The following TTLL7 variants were observed in gnomAD, a reference collection of about 807,000 sequenced individuals.
The protein encoded by TTLL7 is tubulin polyglutamylase TTLL7.
TTLL7 carries 53 observed loss-of-function variants against 120.2 expected under a neutral mutation model. That is an observed-to-expected ratio of 0.44 (90% CI 0.35 to 0.55). The LOEUF (loss-of-function observed/expected upper bound fraction) is 0.55. TTLL7 is among the 20% of genes least tolerant of loss of function. The pLI, the probability that TTLL7 is intolerant of heterozygous loss-of-function variation, is 0.00. For synonymous variants in TTLL7, 353 were observed against 351.7 expected (o/e 1.00, Z -0.04); for missense variants, 803 against 1,054.7 (o/e 0.76, Z 3.31).
intron 9 of TTLL7, among the ~76,000 whole-genome samples, chr1:83,932,580 C>A (rs959562018): frequency 3.9e-5 from 6 of 151,900 alleles, no homozygotes; most frequent in African/African-American, 1.4e-4. Flanking sequence ...CACACACACA[C>A]ACACACACAA....
At chr1:83,930,456 A>T (rs1387347405) in intron 9 of TTLL7, among the ~76,000 whole-genome samples, 1 of 152,166 alleles carries the variant, frequency 6.6e-6, no homozygotes, top group Non-Finnish European at 1.5e-5. Flanking sequence ...GGAGAAGGAA[A>T]TAGCTTGAAA....
At chr1:83,899,550 AATAGAATTGTCT>A (rs1053468040) in intron 18 of TTLL7, among the ~76,000 whole-genome samples, 16 of 152,076 alleles carry the variant, frequency 1.1e-4, no homozygotes, top group African/African-American at 3.1e-4. Flanking sequence ...CTGCGAAAAA[AATAGAATTGTCT>A]ATAGAATTGT....
chr1:83,929,210 A>T lies in TTLL7; in HGVS notation c.1068T>A (p.Phe356Leu). The T allele has an allele frequency of 6.2e-7, 1 of 1,611,406 alleles. No homozygotes were observed. The highest frequency in any genetic ancestry group is 8.5e-7 in the Non-Finnish European group (1 of 1,178,418). ...WLLEINRAPS[F>L]GTDQKIDYDV... The stretch of plus-strand genomic sequence containing the variant: ...CATAGTCTATTTTCTGATCAGTTCC[A>T]AAGCTTGGGGCTCGGTTAATCTGAA... The change falls in exon 10 of 21, where the codon TTT becomes TTA. Residue 356 changes from phenylalanine to leucine, a missense_variant. Physicochemically the swap from Phe to Leu is conservative, Grantham distance 22 (BLOSUM62 0). This residue lies in a region of TTLL7 where 324 missense variants were observed against 507.7 expected (regional missense o/e 0.64). Transcript: ENST00000260505.
At chr1:83,919,935 C>A in intron 12 of TTLL7, 101 bp from the exon 13 acceptor site, 1 of 1,079,048 alleles carries the variant, frequency 9.3e-7, no homozygotes, top group Non-Finnish European at 1.3e-6. Flanking sequence ...TATTCTATAC[C>A]AGTCACATTG....
rs769897033 is a variant in TTLL7, at chr1:83,923,215, T to C, written c.1143-1821A>G. Among the ~76,000 whole-genome samples, 8 of 139,766 alleles carry C rather than the reference T, an allele frequency of 5.7e-5. 1 individual carries two copies. The highest frequency in any genetic ancestry group is 1.7e-4 in the African/African-American group (6 of 35,878). The allele number at this position is 139,766 out of a possible 152,430, so 91.7% of individuals were successfully genotyped here. A position where few individuals can be genotyped will look rare whatever the true frequency, so the allele number is the denominator to read the frequency against. ...TCATATACCAATGAATATATTATCATACATCCATTTAAAATGGATAAAATT... is the reference window on the plus strand; with the variant it reads ...TCATATACCAATGAATATATTATCACACATCCATTTAAAATGGATAAAATT... On this transcript the variant is annotated intron_variant, in intron 10 of 20. Coordinates refer to ENST00000260505, the MANE Select transcript of TTLL7 (RefSeq NM_024686.6).
At chr1:83,936,793 A>G (rs1336860821) in intron 8 of TTLL7, among the ~76,000 whole-genome samples, 1 of 142,204 alleles carries the variant, frequency 7.0e-6, no homozygotes, top group Admixed American at 7.1e-5. Flanking sequence ...ATTTATCAAC[A>G]AATTAGAAGA....
At chr1:83,952,923 T>G (rs1649188882) in intron 1 of TTLL7, among the ~76,000 whole-genome samples, 1 of 152,140 alleles carries the variant, frequency 6.6e-6, no homozygotes, top group Non-Finnish European at 1.5e-5. Context: ...AAACACTGCT[T>G]TTAATATGAG....
intron 1 of TTLL7, among the ~76,000 whole-genome samples, chr1:83,997,294 G>A (rs1653571980): frequency 6.6e-6 from 1 of 152,142 alleles, no homozygotes; most frequent in South Asian, 2.1e-4. Context: ...TGCCTCTTGA[G>A]ACATAAACAA....
intron 1 of TTLL7, chr1:83,980,794 T>C (rs1252596023): frequency 6.6e-6 from 1 of 152,172 alleles, no homozygotes. Context: ...CCATCTCTTC[T>C]GTTACTCAAA....
At chr1:83,943,091 G>A (rs1040423574) in intron 6 of TTLL7, among the ~76,000 whole-genome samples, 34 of 152,128 alleles carry the variant, frequency 2.2e-4, no homozygotes, top group Non-Finnish European at 2.1e-4. Context: ...GACCTCAAAG[G>A]GCTTGCTTTT....
intron 14 of TTLL7, among the ~76,000 whole-genome samples, chr1:83,914,005 A>C (rs79864306): frequency 0.011 from 1,645 of 152,322 alleles, 27 homozygotes; most frequent in African/African-American, 0.038. Flanking sequence ...TCCCAAAGTG[A>C]TGCCATGACT....
At chr1:83,997,243 G>T (rs574918556) in intron 1 of TTLL7, among the ~76,000 whole-genome samples, 1 of 152,162 alleles carries the variant, frequency 6.6e-6, no homozygotes, top group South Asian at 2.1e-4. Flanking sequence ...TCAATACTAT[G>T]TGAGTATTTA....
At chr1:83,882,136 G>A (rs1394983342) in intron 20 of TTLL7, among the ~76,000 whole-genome samples, 1 of 150,484 alleles carries the variant, frequency 6.6e-6, no homozygotes, top group East Asian at 2.0e-4. Context: ...ACACCTAATG[G>A]TAAATGACGA....
At chr1:83,996,793 T>C (rs1653521806) in intron 1 of TTLL7, among the ~76,000 whole-genome samples, 1 of 152,144 alleles carries the variant, frequency 6.6e-6, no homozygotes, top group South Asian at 2.1e-4. Context: ...CTCAGTGATG[T>C]CATCTAAGTA....
intron 15 of TTLL7, among the ~76,000 whole-genome samples, chr1:83,909,383 T>C (rs1657493049): frequency 1.3e-5 from 2 of 148,618 alleles, no homozygotes; most frequent in African/African-American, 4.9e-5. Flanking sequence ...GTAACTTGCA[T>C]ATCCCTTTGA....
At chr1:83,996,695 G>A (rs149860910) in intron 1 of TTLL7, among the ~76,000 whole-genome samples, 1 of 152,328 alleles carries the variant, frequency 6.6e-6, no homozygotes, top group Non-Finnish European at 1.5e-5. Flanking sequence ...GTTCCTTGAA[G>A]TGGGGAATTT....
intron 18 of TTLL7, among the ~76,000 whole-genome samples, chr1:83,899,184 TC>T (rs909838543): frequency 6.6e-6 from 1 of 151,952 alleles, no homozygotes; most frequent in Non-Finnish European, 1.5e-5. Flanking sequence ...GGGAAGAATG[TC>T]ATCACAGAAT....
intron 19 of TTLL7, among the ~76,000 whole-genome samples, chr1:83,889,105 A>G (rs1220134811): frequency 6.6e-6 from 1 of 152,144 alleles, no homozygotes; most frequent in Admixed American, 6.6e-5. Flanking sequence ...ATAGTTCAGC[A>G]TGGCTGGGGA....
chr1:83,919,853 A>C lies in TTLL7; in HGVS notation c.1365-19T>G, dbSNP rs557439293. 6.2e-7 allele frequency: 1 copy of C among 1,604,032 alleles called. No homozygotes were observed. Among genetic ancestry groups the C allele is most frequent in the East Asian group, 2.2e-5 (1 of 44,708 alleles). ...AATTCGTCTACAACAAAATCAGATAAACCAATTTTTTAAAAAGAAGCTGTC... is the reference window on the plus strand; with the variant it reads ...AATTCGTCTACAACAAAATCAGATACACCAATTTTTTAAAAAGAAGCTGTC... On this transcript the variant is annotated intron_variant, in intron 12 of 20. Coordinates refer to ENST00000260505, the MANE Select transcript of TTLL7 (RefSeq NM_024686.6).
Sources: allele counts gnomAD v4.1 joint callset (sites outside exome capture counted in the v4.1 genomes callset), GRCh38; gene constraint gnomAD v4.1.1; regional missense constraint gnomAD v4.1.1; transcripts MANE v1.5; gene names NCBI Gene and HGNC (gene_info 2026-07-23, HGNC 2026-07-21).